GMDS: variants seen among roughly 807,000 people sequenced by gnomAD.
GMDS encodes the protein GDP-mannose 4,6-dehydratase.
Under a neutral mutation model 49.9 loss-of-function variants are expected in GMDS, and 20 were observed. The ratio of observed to expected loss-of-function variants is 0.40; its 90% CI spans 0.28 to 0.58. The LOEUF (loss-of-function observed/expected upper bound fraction) is 0.58. Ranked by LOEUF, GMDS falls within the 20% of genes least tolerant of loss-of-function variation. The pLI, the probability that GMDS is intolerant of heterozygous loss-of-function variation, is 0.42. For missense variants in GMDS, 362 were observed against 481.4 expected, an observed-to-expected ratio of 0.75 and a Z score of 2.32; for synonymous variants, 177 against 178.6, an observed-to-expected ratio of 0.99 and a Z score of 0.07.
chr6:1,677,192 C>T (rs1764653326), intron 9 of GMDS, among the ~76,000 whole-genome samples: 1 of 152,228 alleles, frequency 6.6e-6, no homozygotes, highest in Non-Finnish European at 1.5e-5. Context: ...CTCATCATCA[C>T]TGGCCATCAG....
intron 9 of GMDS, among the ~76,000 whole-genome samples, chr6:1,653,120 C>T (rs367864573): frequency 6.6e-6 from 1 of 151,872 alleles, no homozygotes; most frequent in Non-Finnish European, 1.5e-5. Flanking sequence ...CCCCGTGGCA[C>T]GTCCCCAAGG....
At chr6:1,965,342 G>A (rs1268121885) in intron 4 of GMDS, among the ~76,000 whole-genome samples, 1 of 152,178 alleles carries the variant, frequency 6.6e-6, no homozygotes, top group Non-Finnish European at 1.5e-5. Context: ...TTGTGTGTTT[G>A]CAGATTTTTA....
At chr6:1,757,244 A>G (rs1238092091) in intron 7 of GMDS, among the ~76,000 whole-genome samples, 1 of 152,182 alleles carries the variant, frequency 6.6e-6, no homozygotes, top group Non-Finnish European at 1.5e-5. Context: ...ATGGGAGCTC[A>G]CTTTCAGGTC....
intron 1 of GMDS, among the ~76,000 whole-genome samples, chr6:2,210,406 GT>G (rs2127582468): frequency 6.6e-6 from 1 of 152,324 alleles, no homozygotes; most frequent in Admixed American, 6.5e-5. Flanking sequence ...AGTGGTCAGG[GT>G]TTGTTAACTA....
At chr6:1,902,671 G>C (rs1056324329) in intron 7 of GMDS, among the ~76,000 whole-genome samples, 1 of 152,088 alleles carries the variant, frequency 6.6e-6, no homozygotes, top group African/African-American at 2.4e-5. Context: ...TATATATGAC[G>C]ACTCACAATG....
At chr6:2,049,656 A>C (rs539150512) in intron 4 of GMDS, among the ~76,000 whole-genome samples, 9 of 152,274 alleles carry the variant, frequency 5.9e-5, no homozygotes, top group Non-Finnish European at 1.3e-4. Context: ...CCTTTTAAGG[A>C]AAAGAGGGAG....
intron 4 of GMDS, among the ~76,000 whole-genome samples, chr6:2,065,555 C>T (rs959061477): frequency 2.0e-5 from 3 of 151,848 alleles, no homozygotes; most frequent in African/African-American, 7.3e-5. Context: ...CTAGAATAAA[C>T]CAATACAGAG....
At chr6:2,089,255 G>A (rs1229822121) in intron 4 of GMDS, among the ~76,000 whole-genome samples, 3 of 152,112 alleles carry the variant, frequency 2.0e-5, no homozygotes, top group Non-Finnish European at 4.4e-5. Flanking sequence ...ACTACTGAAG[G>A]ATTGTGAGAA....
chr6:2,001,980 T>C (rs1766846168), intron 4 of GMDS, among the ~76,000 whole-genome samples: 2 of 152,328 alleles, frequency 1.3e-5, no homozygotes, highest in South Asian at 4.1e-4. Flanking sequence ...GGCTTTACTA[T>C]TCCAATTTTA....
chr6:2,017,576 T>G (rs1197652407), intron 4 of GMDS, among the ~76,000 whole-genome samples: 1 of 152,184 alleles, frequency 6.6e-6, no homozygotes, highest in Non-Finnish European at 1.5e-5. Flanking sequence ...CCCAAAGTGC[T>G]GGAATTACAG....
intron 7 of GMDS, among the ~76,000 whole-genome samples, chr6:1,914,760 C>T (rs1682456413): frequency 2.0e-5 from 3 of 152,190 alleles, no homozygotes; most frequent in Admixed American, 1.3e-4. Context: ...TCTCCTGTCG[C>T]GCCCAACTAC....
intron 4 of GMDS, among the ~76,000 whole-genome samples, chr6:2,053,166 C>T (rs1770546512): frequency 6.6e-6 from 1 of 151,080 alleles, no homozygotes; most frequent in Non-Finnish European, 1.5e-5. Context: ...ACATAATTGC[C>T]CAAAATATTT....
At chr6:2,048,712 T>C (rs1002086170) in intron 4 of GMDS, among the ~76,000 whole-genome samples, 19 of 152,192 alleles carry the variant, frequency 1.2e-4, no homozygotes, top group African/African-American at 4.6e-4. Context: ...CTCAATAATG[T>C]TTTTCTTCTT....
chr6:2,139,303 A>C (rs1408583656), intron 1 of GMDS, among the ~76,000 whole-genome samples: 1 of 152,262 alleles, frequency 6.6e-6, no homozygotes, highest in African/African-American at 2.4e-5. Flanking sequence ...TAAATACTAT[A>C]AAGTGAGAAC....
intron 8 of GMDS, among the ~76,000 whole-genome samples, chr6:1,731,686 G>A (rs1442471341): frequency 6.6e-6 from 1 of 152,160 alleles, no homozygotes; most frequent in Non-Finnish European, 1.5e-5. Flanking sequence ...TCTTTCTCAG[G>A]AAACTAATTA....
chr6:2,036,045 TG>T (rs1290781010), intron 4 of GMDS, among the ~76,000 whole-genome samples: 1 of 152,166 alleles, frequency 6.6e-6, no homozygotes, highest in Non-Finnish European at 1.5e-5. Flanking sequence ...CAGCCTGGCC[TG>T]GGCGACTGTC....
intron 9 of GMDS, among the ~76,000 whole-genome samples, chr6:1,631,474 C>T (rs1762998221): frequency 6.6e-6 from 1 of 152,140 alleles, no homozygotes; most frequent in Non-Finnish European, 1.5e-5. Flanking sequence ...GTTAGGAAAT[C>T]TACCCACCTC....
chr6:1,830,831 A>T (rs923343166), intron 7 of GMDS, among the ~76,000 whole-genome samples: 2 of 152,206 alleles, frequency 1.3e-5, no homozygotes, highest in African/African-American at 4.8e-5. Flanking sequence ...CAGGGATAAG[A>T]AATATATATA....
intron 6 of GMDS, among the ~76,000 whole-genome samples, chr6:1,937,376 T>C (rs1456787652): frequency 6.6e-6 from 1 of 152,240 alleles, no homozygotes; most frequent in African/African-American, 2.4e-5. Context: ...AAATTTTAAT[T>C]TGCTGTTTTT....
Sources: allele counts gnomAD v4.1 joint callset (sites outside exome capture counted in the v4.1 genomes callset), GRCh38; gene constraint gnomAD v4.1.1; transcripts MANE v1.5; gene names NCBI Gene and HGNC (gene_info 2026-07-23, HGNC 2026-07-21).